Variants in ACER3 observed in about 807,000 individuals in gnomAD.
ACER3 encodes the protein alkCDase 3.
In ACER3, 16 loss-of-function variants were observed where a neutral mutation model predicts 48.9. The ratio of observed to expected loss-of-function variants is 0.33; its 90% confidence interval spans 0.22 to 0.50. ACER3 has a LOEUF of 0.50. ACER3 is among the 20% of genes least tolerant of loss of function. The pLI is 0.98. For missense variants in ACER3, 227 were observed against 326.0 expected, an observed-to-expected ratio of 0.70 and a Z score of 2.34; for synonymous variants, 109 against 107.8, an observed-to-expected ratio of 1.01 and a Z score of -0.07.
chr11:76,973,632 C>T (rs550291927), intron 3 of ACER3, among the ~76,000 whole-genome samples: 1 of 152,314 alleles, frequency 6.6e-6, no homozygotes, highest in East Asian at 1.9e-4. Flanking sequence ...GCATGTGGGA[C>T]ACAGGCAAGC....
intron 5 of ACER3, among the ~76,000 whole-genome samples, chr11:76,988,826 A>G (rs1176197293): frequency 6.6e-6 from 1 of 152,224 alleles, no homozygotes; most frequent in Non-Finnish European, 1.5e-5. Context: ...TCAAGTGTAT[A>G]TAGACAATTG....
At chr11:76,965,140 G>T (rs955969789) in intron 3 of ACER3, among the ~76,000 whole-genome samples, 1 of 151,338 alleles carries the variant, frequency 6.6e-6, no homozygotes, top group Non-Finnish European at 1.5e-5. Context: ...TGAAAACCAC[G>T]GCACGAGAAC....
At chr11:76,915,099 A>T (rs946519991) in intron 1 of ACER3, among the ~76,000 whole-genome samples, 1 of 152,124 alleles carries the variant, frequency 6.6e-6, no homozygotes, top group African/African-American at 2.4e-5. Context: ...ATGACGAGTT[A>T]ATGGGTGCAG....
intron 6 of ACER3, among the ~76,000 whole-genome samples, chr11:76,996,828 C>G (rs779102340): frequency 6.6e-6 from 1 of 150,980 alleles, no homozygotes; most frequent in Non-Finnish European, 1.5e-5. Flanking sequence ...TGGATTCAAG[C>G]AATTCTCGTG....
intron 3 of ACER3, among the ~76,000 whole-genome samples, chr11:76,962,914 A>G (rs1395546638): frequency 6.6e-6 from 1 of 151,334 alleles, no homozygotes; most frequent in African/African-American, 2.5e-5. Context: ...GGGAGAAGAA[A>G]AGGAAAAATT....
At chr11:76,928,341 T>A (rs367632570) in intron 2 of ACER3, among the ~76,000 whole-genome samples, 3 of 152,150 alleles carry the variant, frequency 2.0e-5, no homozygotes, top group Non-Finnish European at 4.4e-5. Context: ...GTTTGAGTTC[T>A]TTGTAGATTC....
chr11:76,937,950 G>A lies in ACER3; in HGVS notation c.214+11283G>A, dbSNP rs150628727. On this transcript the variant is annotated intron_variant, in intron 2 of 10. Transcript: ENST00000532485. ...TATGTTTATTGTTGGTAGTGGTATG[G>A]GTATAGCAATTCTGAAGCTGTCTTT... is the stretch of plus-strand genomic sequence containing the variant. 1.8e-3 allele frequency among the ~76,000 whole-genome samples: 267 copies of A among 152,226 alleles called. 5 individuals are homozygous for A. The highest frequency in any genetic ancestry group is 0.015 in the Admixed American group (230 of 15,278).
At chr11:76,899,881 A>G (rs1019031362) in intron 1 of ACER3, among the ~76,000 whole-genome samples, 1 of 152,242 alleles carries the variant, frequency 6.6e-6, no homozygotes, top group African/African-American at 2.4e-5. Flanking sequence ...AAATTCATGT[A>G]CAATTTTGAC....
At chr11:76,863,227 C>CA (rs555355956) in intron 1 of ACER3, among the ~76,000 whole-genome samples, 91 of 151,732 alleles carry the variant, frequency 6.0e-4, no homozygotes, top group Non-Finnish European at 9.4e-4. Context: ...CCTATTTCTA[C>CA]AAAAAAAATA....
At chr11:77,004,882 ATTTCT>A (rs1555020539) in intron 7 of ACER3, among the ~76,000 whole-genome samples, 1 of 151,978 alleles carries the variant, frequency 6.6e-6, no homozygotes, top group African/African-American at 2.4e-5. Flanking sequence ...CACTCTTCCA[ATTTCT>A]TTTAATTGGT....
rs140622501 is a variant in ACER3 at position 76,906,122 on chromosome 11, A to T, written c.104-20435A>T. ...TAACCATGGGAGGAATTTCGTTTAT[A>T]GTTTTTAACTTTGAAGCAAGGATAA... On this transcript the variant is annotated intron_variant, in intron 1 of 10. Coordinates refer to ENST00000532485, the MANE Select transcript of ACER3 (RefSeq NM_018367.7). Among the ~76,000 whole-genome samples, 481 of 152,312 alleles carry T rather than the reference A, an allele frequency of 3.2e-3. 5 individuals are homozygous for T. The highest frequency in any genetic ancestry group is 0.011 in the African/African-American group (454 of 41,566).
At chr11:76,904,622 C>A (rs963624373) in intron 1 of ACER3, among the ~76,000 whole-genome samples, 6 of 152,024 alleles carry the variant, frequency 3.9e-5, no homozygotes, top group African/African-American at 1.4e-4. Context: ...TCAGAATAAA[C>A]CTCTTCAAAT....
Position 77,025,195 on chromosome 11 carries a change from A to G in ACER3, c.*4868A>G, listed in dbSNP as rs946021342. ...TGCAGCAACCATATTTATTAGAGAAATCTTTAAGCATATACATATGGTTCC... is the reference window on the plus strand; with the variant it reads ...TGCAGCAACCATATTTATTAGAGAAGTCTTTAAGCATATACATATGGTTCC... On this transcript the variant is annotated 3_prime_UTR_variant, in exon 11 of 11. Coordinates refer to ENST00000532485, the MANE Select transcript of ACER3 (RefSeq NM_018367.7). The G allele has an allele frequency of 6.6e-6, 1 of 152,062 alleles. No individual in the cohort carries two copies. Among genetic ancestry groups the G allele is most frequent in the Non-Finnish European group, 1.5e-5 (1 of 68,006 alleles). 9.4% of individuals were successfully genotyped at this position (152,062 alleles called of 1,614,324 possible). A position where few individuals can be genotyped will look rare whatever the true frequency, so the allele number is the denominator to read the frequency against.
chr11:76,929,353 G>A (rs528069860), intron 2 of ACER3, among the ~76,000 whole-genome samples: 1 of 152,204 alleles, frequency 6.6e-6, no homozygotes. Flanking sequence ...AGCTTAAGGA[G>A]ATTTTGGGCT....
chr11:76,916,409 G>A (rs185278997), intron 1 of ACER3, among the ~76,000 whole-genome samples: 1 of 152,258 alleles, frequency 6.6e-6, no homozygotes, highest in Admixed American at 6.5e-5. Flanking sequence ...TGAATATAAG[G>A]CCACTGCCCT....
intron 7 of ACER3, chr11:77,011,306 A>G: frequency 1.0e-6 from 1 of 985,452 alleles, no homozygotes; most frequent in African/African-American, 1.7e-5. Context: ...CTGGATAACC[A>G]AAGACATTCA....
chr11:77,014,342 A>G (rs1555022827), intron 7 of ACER3, among the ~76,000 whole-genome samples: 1 of 152,186 alleles, frequency 6.6e-6, no homozygotes, highest in African/African-American at 2.4e-5. Flanking sequence ...CTTCAAAGCA[A>G]TTATAATTAT....
At chr11:76,937,968 C>G (rs1444510032) in intron 2 of ACER3, among the ~76,000 whole-genome samples, 1 of 152,116 alleles carries the variant, frequency 6.6e-6, no homozygotes, top group Non-Finnish European at 1.5e-5. Flanking sequence ...AATTCTGAAG[C>G]TGTCTTTGTA....
chr11:76,916,161 A>T (rs1018031088), intron 1 of ACER3, among the ~76,000 whole-genome samples: 2 of 152,348 alleles, frequency 1.3e-5, no homozygotes, highest in Non-Finnish European at 2.9e-5. Context: ...ATGAAAAATT[A>T]TACTGAAATT....
Sources: gnomAD v4.1 joint callset for allele counts (sites outside exome capture counted in the v4.1 genomes callset) on GRCh38, gnomAD v4.1.1 for gene constraint, MANE v1.5 for transcripts, NCBI Gene and HGNC (gene_info 2026-07-23, HGNC 2026-07-21) for gene names.